NWD1: variants seen among roughly 807,000 people sequenced by gnomAD.
NWD1 encodes the protein NACHT and WD repeat domain containing 1, also known as NACHT domain- and WD repeat-containing protein 1.
A neutral mutation model predicts 135.1 loss-of-function variants in NWD1; 129 were observed. That is an observed-to-expected ratio of 0.96 (90% CI 0.83 to 1.11). The LOEUF (loss-of-function observed/expected upper bound fraction) is 1.11, where lower values mean the gene tolerates loss of function less well. Among genes scored for constraint, NWD1 ranks in the 50% least tolerant of loss-of-function variants. The pLI, the probability that NWD1 is intolerant of heterozygous loss-of-function variation, is 0.00. For missense variants in NWD1, 1,740 were observed against 1,851.3 expected (o/e 0.94, Z 1.10); for synonymous variants, 773 against 786.0 (o/e 0.98, Z 0.28).
At position 16,789,199 on chromosome 19, in the gene NWD1, C is replaced by T. The variant is rs761967495; in HGVS notation, c.2940+9C>T. On this transcript the variant is annotated intron_variant, in intron 13 of 18. Transcript: ENST00000524140. ...CAGCATCTGGCTCAAAGGTAACAAA[C>T]ATATGCCCTGTTTGTAAAGGAAAGC... 1.0e-5 allele frequency: 16 copies of T among 1,603,870 alleles called. 1 individual carries two copies. In the East Asian group the frequency reaches 3.6e-4, roughly 36 times the overall value.
chr19:16,747,678 C>A (rs1161414725), intron 5 of NWD1, among the ~76,000 whole-genome samples: 1 of 151,944 alleles, frequency 6.6e-6, no homozygotes, highest in Non-Finnish European at 1.5e-5. Flanking sequence ...CCCTCCAAGA[C>A]ATTTTCATCA....
intron 18 of NWD1, among the ~76,000 whole-genome samples, chr19:16,811,243 G>A (rs920076124): frequency 6.5e-4 from 99 of 152,162 alleles, no homozygotes; most frequent in African/African-American, 2.2e-3. Flanking sequence ...GCTAACATCC[G>A]TATAACCAAA....
At chr19:16,770,021 T>G (rs1307334953) in intron 10 of NWD1, among the ~76,000 whole-genome samples, 1 of 152,194 alleles carries the variant, frequency 6.6e-6, no homozygotes, top group Non-Finnish European at 1.5e-5. Context: ...CCTTTAATTA[T>G]GATTTCTCTT....
At chr19:16,723,037 T>A (rs1967195330) in intron 1 of NWD1, among the ~76,000 whole-genome samples, 1 of 152,122 alleles carries the variant, frequency 6.6e-6, no homozygotes, top group Non-Finnish European at 1.5e-5. Flanking sequence ...CTGCCTTGGA[T>A]GCCTCTTCCT....
chr19:16,813,568 C>T (rs976633972), intron 18 of NWD1, among the ~76,000 whole-genome samples: 7 of 151,992 alleles, frequency 4.6e-5, no homozygotes, highest in African/African-American at 1.7e-4. Context: ...TCTCTGCCTC[C>T]CAGGTTCAAG....
chr19:16,764,210 G>A (rs1471465876), intron 9 of NWD1, among the ~76,000 whole-genome samples: 4 of 151,896 alleles, frequency 2.6e-5, no homozygotes, highest in Non-Finnish European at 5.9e-5. Flanking sequence ...CAGTGCACAG[G>A]ACACCCTACC....
At chr19:16,800,613 G>A (rs1970575835) in intron 17 of NWD1, among the ~76,000 whole-genome samples, 1 of 152,110 alleles carries the variant, frequency 6.6e-6, no homozygotes, top group African/African-American at 2.4e-5. Context: ...CTGGAGGCTG[G>A]GAAGTTCCAG....
intron 10 of NWD1, among the ~76,000 whole-genome samples, chr19:16,767,539 C>T (rs762685705): frequency 3.3e-5 from 5 of 151,848 alleles, no homozygotes; most frequent in South Asian, 2.1e-4. Context: ...TGCTTGAACA[C>T]GGGCGGCAGA....
chr19:16,758,859 T>A (rs1968893121), intron 6 of NWD1, among the ~76,000 whole-genome samples: 1 of 151,804 alleles, frequency 6.6e-6, no homozygotes, highest in South Asian at 2.1e-4. Context: ...AATGCAAAAA[T>A]TAGCCAGGCG....
In NWD1 at chr19:16,749,717, C is replaced by T. The variant is rs753875281; in HGVS notation, c.1075C>T (p.Pro359Ser). 1.9e-6 allele frequency: 3 copies of T among 1,604,364 alleles called. No homozygotes were observed. Among genetic ancestry groups the T allele is most frequent in the African/African-American group, 1.3e-5 (1 of 74,798 alleles). Reference sequence around the variant, plus strand: ...GATGTGCAAGCTGGCTGAGCAGATGCCAAGGCTGCTGGGGCACAAGACAGT... The same window carrying T: ...GATGTGCAAGCTGGCTGAGCAGATGTCAAGGCTGCTGGGGCACAAGACAGT... Reference protein sequence around the residue: ...ALMCKLAEQMPRLLGHKTVTV... With the variant: ...ALMCKLAEQMSRLLGHKTVTV... The change falls in exon 6 of 19, where the codon CCA becomes TCA. Residue 359 changes from proline to serine, a missense_variant. By Grantham distance (74) the Pro-to-Ser change is moderately conservative. Coordinates refer to ENST00000524140, the MANE Select transcript of NWD1 (RefSeq NM_001007525.5).
chr19:16,750,283 C>T lies in NWD1; in HGVS notation c.1641C>T (p.Ala547=), dbSNP rs749603191. ...RLAFEEARKW[A]SFTVPVPLAT... Reference sequence around the variant, plus strand: ...CGTTTGAGGAAGCCCGGAAATGGGCCTCTTTCACCGTGCCTGTCCCGCTGG... The same window carrying T: ...CGTTTGAGGAAGCCCGGAAATGGGCTTCTTTCACCGTGCCTGTCCCGCTGG... The change falls in exon 6 of 19, where the codon GCC becomes GCT. Residue 547 remains alanine (A), a synonymous_variant. Transcript: ENST00000524140. 4 of 1,613,684 alleles carry T rather than the reference C, an allele frequency of 2.5e-6. No homozygotes were observed. The South Asian group carries it at 4.4e-5, about 18-fold the overall frequency.
At chr19:16,743,130 A>G (rs1599448191) in intron 4 of NWD1, among the ~76,000 whole-genome samples, 1 of 151,364 alleles carries the variant, frequency 6.6e-6, no homozygotes, top group East Asian at 1.9e-4. Flanking sequence ...CTGGTCTCGA[A>G]CTCCTCTTGA....
intron 4 of NWD1, among the ~76,000 whole-genome samples, chr19:16,738,921 C>G (rs948288571): frequency 8.5e-5 from 11 of 129,246 alleles, no homozygotes; most frequent in African/African-American, 3.7e-4. Context: ...TTCTTTGAGA[C>G]AAGGTCTTGC....
chr19:16,808,280 T>C lies in NWD1; in HGVS notation c.4287+144T>C, dbSNP rs1970819065. Reference sequence around the variant, plus strand: ...AAATGAGGCACTTGGTCAGGCGCAGTGGCTCACGCCTGTAATCCCAGTACT... The same window carrying C: ...AAATGAGGCACTTGGTCAGGCGCAGCGGCTCACGCCTGTAATCCCAGTACT... On this transcript the variant is annotated intron_variant, in intron 18 of 18. Coordinates refer to ENST00000524140, the MANE Select transcript of NWD1 (RefSeq NM_001007525.5). 4 of 733,892 alleles carry C rather than the reference T, an allele frequency of 5.5e-6. No homozygotes were observed. In the South Asian group the frequency reaches 7.1e-5, roughly 13 times the overall value. The allele number at this position is 733,892 out of a possible 1,614,324, so 45.5% of individuals were successfully genotyped here.
intron 10 of NWD1, among the ~76,000 whole-genome samples, chr19:16,771,622 T>G (rs1481016841): frequency 6.6e-6 from 1 of 152,122 alleles, no homozygotes; most frequent in East Asian, 1.9e-4. Flanking sequence ...TTAAGGAAGA[T>G]TTAAAAGCCC....
chr19:16,792,245 TTAACATA>T (rs1970272385), intron 14 of NWD1, among the ~76,000 whole-genome samples: 1 of 152,064 alleles, frequency 6.6e-6, no homozygotes, highest in African/African-American at 2.4e-5. Flanking sequence ...TTCATGGACA[TTAACATA>T]TAGACTGGCT....
intron 9 of NWD1, 110 bp from the exon 10 acceptor site, chr19:16,764,924 C>A: frequency 8.4e-7 from 1 of 1,186,170 alleles, no homozygotes; most frequent in Non-Finnish European, 1.2e-6. Flanking sequence ...AGTGTCACTA[C>A]TGCTGAGCCT....
intron 5 of NWD1, 64 bp downstream of exon 5, chr19:16,744,782 A>G: frequency 7.2e-7 from 1 of 1,380,230 alleles, no homozygotes; most frequent in Non-Finnish European, 9.9e-7. Flanking sequence ...CAGAATATCC[A>G]TCCCCTGTTG....
In NWD1 at chr19:16,799,925, C is replaced by A. The variant is rs950173956; in HGVS notation, c.3499C>A (p.Leu1167Met). The A allele has an allele frequency of 1.2e-6, 2 of 1,613,574 alleles. No homozygotes were observed. The highest frequency in any genetic ancestry group is 1.7e-6 in the Non-Finnish European group (2 of 1,179,716). The change falls in exon 17 of 19, where the codon CTG becomes ATG. Residue 1167 changes from leucine to methionine, a missense_variant. Coordinates refer to ENST00000524140, the MANE Select transcript of NWD1 (RefSeq NM_001007525.5). ...LSEQGTLLDI[L>M]EGVGAPVSLL... ...AGAACAGGGGACCCTTCTGGACATC[C>A]TGGAAGGCGTCGGGGCCCCCGTGAG...
Sources: allele counts gnomAD v4.1 joint callset (sites outside exome capture counted in the v4.1 genomes callset), GRCh38; gene constraint gnomAD v4.1.1; transcripts MANE v1.5; gene names NCBI Gene and HGNC (gene_info 2026-07-23, HGNC 2026-07-21).